The following CDH12 variants were observed in gnomAD, a reference collection of about 807,000 sequenced individuals.
CDH12 encodes cadherin-12.
A neutral mutation model predicts 74.1 loss-of-function variants in CDH12; 41 were observed. The observed-to-expected ratio is 0.55, with a 90% CI of 0.43 to 0.72. CDH12 has a LOEUF of 0.72. Among genes scored for constraint, CDH12 ranks in the 30% least tolerant of loss-of-function variants. The pLI, the probability that CDH12 is intolerant of heterozygous loss-of-function variation, is 0.00. For missense variants in CDH12, 945 were observed against 977.2 expected, an observed-to-expected ratio of 0.97 and a Z score of 0.44; for synonymous variants, 399 against 355.0, an observed-to-expected ratio of 1.12 and a Z score of -1.39.
At chr5:21,777,257 G>A (rs1179749375) in intron 11 of CDH12, among the ~76,000 whole-genome samples, 1 of 152,050 alleles carries the variant, frequency 6.6e-6, no homozygotes, top group African/African-American at 2.4e-5. Context: ...ATTGAGCATA[G>A]ATAGAAATCT....
chr5:21,767,550 T>C (rs1443709142), intron 11 of CDH12, among the ~76,000 whole-genome samples: 1 of 151,680 alleles, frequency 6.6e-6, no homozygotes, highest in Non-Finnish European at 1.5e-5. Context: ...ACTTCCCTGA[T>C]CACTAGATAT....
At chr5:22,202,243 T>C (rs915902815) in intron 4 of CDH12, among the ~76,000 whole-genome samples, 6 of 147,940 alleles carry the variant, frequency 4.1e-5, no homozygotes, top group Admixed American at 2.1e-4. Flanking sequence ...GACACTGATC[T>C]AGGTGATGAG....
At chr5:22,305,943 T>G (rs2150423500) in intron 3 of CDH12, among the ~76,000 whole-genome samples, 1 of 152,234 alleles carries the variant, frequency 6.6e-6, no homozygotes, top group Admixed American at 6.5e-5. Flanking sequence ...TTTCATAAAC[T>G]TCTTAAATTA....
intron 1 of CDH12, among the ~76,000 whole-genome samples, chr5:22,719,492 G>C (rs929829236): frequency 3.9e-5 from 6 of 152,168 alleles, no homozygotes; most frequent in Admixed American, 2.6e-4. Context: ...ATGAGGACGT[G>C]AATGCATGTG....
At chr5:22,688,517 TG>T (rs1741925449) in intron 1 of CDH12, among the ~76,000 whole-genome samples, 2 of 152,190 alleles carry the variant, frequency 1.3e-5, no homozygotes. Flanking sequence ...CAACTAATAG[TG>T]GATCCCGCAG....
At position 21,777,979 on chromosome 5, in the gene CDH12, A is replaced by T. The variant is rs184493598; in HGVS notation, c.1393+5379T>A. 3.9e-5 allele frequency among the ~76,000 whole-genome samples: 6 copies of T among 152,334 alleles called. No homozygotes were observed. The East Asian group carries it at 1.2e-3, about 29-fold the overall frequency. On this transcript the variant is annotated intron_variant, in intron 11 of 14. Coordinates refer to ENST00000382254, the MANE Select transcript of CDH12 (RefSeq NM_004061.5). Reference sequence around the variant, plus strand: ...TTTATATCCACTGTCAGAATTTTTCAGGAATACAATATATTAACTATAGTC... The same window carrying T: ...TTTATATCCACTGTCAGAATTTTTCTGGAATACAATATATTAACTATAGTC...
intron 1 of CDH12, among the ~76,000 whole-genome samples, chr5:22,717,774 G>A (rs534351610): frequency 6.6e-6 from 1 of 152,258 alleles, no homozygotes; most frequent in East Asian, 1.9e-4. Context: ...TACAGTTAGT[G>A]TATTGTTGCC....
At chr5:21,979,296 C>G (rs1357989008) in intron 5 of CDH12, among the ~76,000 whole-genome samples, 1 of 152,066 alleles carries the variant, frequency 6.6e-6, no homozygotes, top group Admixed American at 6.6e-5. Context: ...TAAAATTTCT[C>G]CCCAGAAAAA....
chr5:22,148,523 T>G (rs1243745451), intron 4 of CDH12, among the ~76,000 whole-genome samples: 1 of 151,908 alleles, frequency 6.6e-6, no homozygotes, highest in East Asian at 1.9e-4. Context: ...TTGCACAAAC[T>G]TGGCATCTTA....
At chr5:22,513,174 T>G (rs533501559) in intron 1 of CDH12, among the ~76,000 whole-genome samples, 3 of 152,130 alleles carry the variant, frequency 2.0e-5, no homozygotes, top group Non-Finnish European at 2.9e-5. Context: ...GGAACTGAAG[T>G]GCATCTGTGG....
At chr5:22,003,698 A>G (rs2963544) in intron 5 of CDH12, among the ~76,000 whole-genome samples, 11 of 149,548 alleles carry the variant, frequency 7.4e-5, no homozygotes, top group South Asian at 2.1e-4. Flanking sequence ...AAGTGGAGAA[A>G]AAGCACACTG....
rs1338562924 is a variant in CDH12, at chr5:22,811,054, CAT to C, written c.-523+42002_-523+42003del. 4.6e-5 allele frequency among the ~76,000 whole-genome samples: 7 copies of C among 151,210 alleles called. No homozygotes were observed. In the East Asian group the frequency reaches 9.7e-4, roughly 21 times the overall value. Reference sequence around the variant, plus strand: ...ATACATAAATATATACATACATACACATATATACGTATATGTATACATACATA... The same window carrying C: ...ATACATAAATATATACATACATACACATATACGTATATGTATACATACATA... On this transcript the variant is annotated intron_variant, in intron 1 of 14. Coordinates refer to ENST00000382254, the MANE Select transcript of CDH12 (RefSeq NM_004061.5).
intron 1 of CDH12, among the ~76,000 whole-genome samples, chr5:22,648,446 T>G (rs1018677217): frequency 1.3e-5 from 2 of 151,820 alleles, no homozygotes; most frequent in African/African-American, 2.4e-5. Flanking sequence ...ACTGAGCAAC[T>G]TCACTCAACC....
chr5:21,806,648 T>C (rs1747442304), intron 9 of CDH12, among the ~76,000 whole-genome samples: 1 of 152,172 alleles, frequency 6.6e-6, no homozygotes, highest in Admixed American at 6.5e-5. Flanking sequence ...CCTTTTCTCC[T>C]ATTAATCAAT....
chr5:22,235,972 T>C (rs1561244314), intron 3 of CDH12, among the ~76,000 whole-genome samples: 1 of 152,198 alleles, frequency 6.6e-6, no homozygotes, highest in East Asian at 1.9e-4. Context: ...TACAGAATAA[T>C]GTAGGCAATT....
At chr5:22,846,449 C>G (rs761486728) in intron 1 of CDH12, among the ~76,000 whole-genome samples, 2 of 151,980 alleles carry the variant, frequency 1.3e-5, no homozygotes, top group Non-Finnish European at 1.5e-5. Flanking sequence ...TCCTGGGATG[C>G]TCTGATAGAT....
Position 22,853,284 on chromosome 5 carries a change from C to A in CDH12, c.-749G>T, listed in dbSNP as rs975721328. 6.6e-6 allele frequency: 1 copy of A among 152,192 alleles called. No individual in the cohort carries two copies. The highest frequency in any genetic ancestry group is 2.4e-5 in the African/African-American group (1 of 41,446). The allele number at this position is 152,192 out of a possible 1,614,324, so 9.4% of individuals were successfully genotyped here. A position where few individuals can be genotyped will look rare whatever the true frequency, so the allele number is the denominator to read the frequency against. On this transcript the variant is annotated 5_prime_UTR_variant, in exon 1 of 15. Transcript: ENST00000382254. ...CTTCCTGGAAGAGGCTGCCTCTCTT[C>A]TCAGAAAAGCCTGGACCCCTCTCTG...
intron 4 of CDH12, among the ~76,000 whole-genome samples, chr5:22,123,769 G>A (rs1057135391): frequency 3.9e-5 from 6 of 152,070 alleles, no homozygotes; most frequent in African/African-American, 1.4e-4. Context: ...TTGTTTTCCT[G>A]ATTTTAAAGA....
chr5:22,399,996 T>C (rs954764386), intron 3 of CDH12, among the ~76,000 whole-genome samples: 1 of 152,274 alleles, frequency 6.6e-6, no homozygotes, highest in Admixed American at 6.5e-5. Flanking sequence ...ATGATTCCTG[T>C]TTTATTAAAT....
Sources: allele counts gnomAD v4.1 joint callset (sites outside exome capture counted in the v4.1 genomes callset), GRCh38; gene constraint gnomAD v4.1.1; transcripts MANE v1.5; gene names NCBI Gene and HGNC (gene_info 2026-07-23, HGNC 2026-07-21).